The following B4GALNT3 variants were observed in gnomAD, a reference collection of about 807,000 sequenced individuals.
B4GALNT3 encodes the protein beta-1,4-N-acetylgalactosaminyltransferase 3.
A neutral mutation model predicts 120.2 loss-of-function variants in B4GALNT3; 86 were observed. That is an observed-to-expected ratio of 0.72 (90% confidence interval 0.60 to 0.86). The LOEUF (loss-of-function observed/expected upper bound fraction) is 0.86, where lower values mean the gene tolerates loss of function less well. Among genes scored for constraint, B4GALNT3 ranks in the 40% least tolerant of loss-of-function variants. The pLI is 0.00. For missense variants in B4GALNT3, 1,167 were observed against 1,298.9 expected, an observed-to-expected ratio of 0.90 and a Z score of 1.56; for synonymous variants, 518 against 510.4, an observed-to-expected ratio of 1.01 and a Z score of -0.20.
chr12:550,047 TAGAA>T lies in B4GALNT3; in HGVS notation c.997+136_997+139del. The T allele has an allele frequency of 1.0e-6, 1 of 972,426 alleles. No homozygotes were observed. The highest frequency in any genetic ancestry group is 1.6e-5 in the African/African-American group (1 of 60,642). The allele number at this position is 972,426 out of a possible 1,614,324, so 60.2% of individuals were successfully genotyped here. On this transcript the variant is annotated intron_variant, in intron 10 of 19. Transcript: ENST00000266383. The surrounding 1 kb of genome is among the most constrained non-coding windows in gnomAD (Gnocchi z 4.1). ...AGAACTTTTTATCGTCCTTGTAACA[TAGAA>T]CATGCATACAGAAAAGAGAGCATGT...
Position 544,865 on chromosome 12 carries a change from C to T in B4GALNT3, c.448-17C>T. 3 of 1,612,196 alleles carry T rather than the reference C, an allele frequency of 1.9e-6. No individual in the cohort carries two copies. The highest frequency in any genetic ancestry group is 2.5e-6 in the Non-Finnish European group (3 of 1,178,518). On this transcript the variant is annotated splice_polypyrimidine_tract_variant and intron_variant, in intron 4 of 19. Coordinates refer to ENST00000266383, the MANE Select transcript of B4GALNT3 (RefSeq NM_173593.4). ...CCCTCTTCTGGGTAACTGTTTCCTTCCCCTTTCTTGGCATAGATTCGCACA... is the reference window on the plus strand; with the variant it reads ...CCCTCTTCTGGGTAACTGTTTCCTTTCCCTTTCTTGGCATAGATTCGCACA...
At chr12:478,283 T>G (rs931120937) in intron 1 of B4GALNT3, among the ~76,000 whole-genome samples, 3 of 131,434 alleles carry the variant, frequency 2.3e-5, no homozygotes, top group Non-Finnish European at 1.6e-5. Flanking sequence ...TTAGAGGAGG[T>G]AAAAAAAAAA....
At position 536,244 on chromosome 12, in the gene B4GALNT3, C is replaced by T. The variant is rs1325189510; in HGVS notation, c.300C>T (p.Ser100=). Residue 100 remains serine, a synonymous_variant, in exon 3 of 20, where the codon AGC becomes AGT. Transcript: ENST00000266383. Reference sequence around the variant, plus strand: ...ACCACGACATTGACCAAGGGGTGAGCAGTAACAGCAGCTACTTGAAGTGGA... The same window carrying T: ...ACCACGACATTGACCAAGGGGTGAGTAGTAACAGCAGCTACTTGAAGTGGA... The part of the protein sequence containing the change: ...LEDHDIDQGV[S]SNSSYLKWNK... 6 of 1,614,126 alleles carry T rather than the reference C, an allele frequency of 3.7e-6. No homozygotes were observed. The highest frequency in any genetic ancestry group is 5.1e-6 in the Non-Finnish European group (6 of 1,179,990).
chr12:472,831 C>T (rs1238645465), intron 1 of B4GALNT3, among the ~76,000 whole-genome samples: 6 of 152,184 alleles, frequency 3.9e-5, no homozygotes, highest in South Asian at 2.1e-4. Context: ...AATATTTTTG[C>T]GTCTATCTCC....
At position 549,817 on chromosome 12, in the gene B4GALNT3, C is replaced by T. The variant is rs1297415203; in HGVS notation, c.902C>T (p.Ala301Val). 5 of 1,613,750 alleles carry T rather than the reference C, an allele frequency of 3.1e-6. No individual in the cohort carries two copies. In the African/African-American group the frequency reaches 4.0e-5, roughly 13 times the overall value. Residue 301 changes from alanine to valine, a missense_variant, in exon 10 of 20, where the codon GCA (alanine) becomes GTA (valine). Coordinates refer to ENST00000266383, the MANE Select transcript of B4GALNT3 (RefSeq NM_173593.4). The part of the protein sequence containing the change: ...MDEVGHIPQT[A>V]ASHVDSSNAL... ...GAGGTGGGCCACATCCCACAGACAGCAGCCAGCCACGTGGACTCCTCCAAC... is the reference window on the plus strand; with the variant it reads ...GAGGTGGGCCACATCCCACAGACAGTAGCCAGCCACGTGGACTCCTCCAAC...
At chr12:533,659 A>G (rs1946829439) in intron 1 of B4GALNT3, among the ~76,000 whole-genome samples, 1 of 151,878 alleles carries the variant, frequency 6.6e-6, no homozygotes, top group South Asian at 2.1e-4. Context: ...GTGACTTCAG[A>G]CTCGGAGCGC....
rs528069390 is a variant in B4GALNT3 at position 467,099 on chromosome 12, T to A, written c.169+6554T>A. Among the ~76,000 whole-genome samples the A allele has an allele frequency of 1.6e-3, 244 of 152,116 alleles. 1 individual carries two copies. Among genetic ancestry groups the A allele is most frequent in the African/African-American group, 5.7e-3 (235 of 41,532 alleles). On this transcript the variant is annotated intron_variant, in intron 1 of 19. Coordinates refer to ENST00000266383, the MANE Select transcript of B4GALNT3 (RefSeq NM_173593.4). The stretch of plus-strand genomic sequence containing the variant: ...GGTTCTTTTTTTATTAGCAATTTTT[T>A]AAATTAAATTAATGAAAGTATTTTT...
chr12:558,136 A>T, intron 17 of B4GALNT3, 48 bp downstream of exon 17: 1 of 1,586,368 alleles, frequency 6.3e-7, no homozygotes, highest in Non-Finnish European at 8.7e-7. Context: ...AGGCTGGTTA[A>T]GAGGTAGAGA....
At chr12:552,441 A>G in intron 12 of B4GALNT3, 26 bp from the exon 13 acceptor site, 1 of 1,609,896 alleles carries the variant, frequency 6.2e-7, no homozygotes, top group Non-Finnish European at 8.5e-7. Context: ...ACCGGGTGCC[A>G]ATGCACACCT....
intron 1 of B4GALNT3, among the ~76,000 whole-genome samples, chr12:485,768 G>A (rs1375685860): frequency 6.6e-6 from 1 of 152,070 alleles, no homozygotes; most frequent in Admixed American, 6.6e-5. Context: ...TCAACTTCTG[G>A]TCTACCATGT....
At chr12:482,245 C>T (rs1946249287) in intron 1 of B4GALNT3, among the ~76,000 whole-genome samples, 1 of 152,210 alleles carries the variant, frequency 6.6e-6, no homozygotes, top group Non-Finnish European at 1.5e-5. Flanking sequence ...TTGGAGCCTA[C>T]TAGCAGCCAC....
intron 1 of B4GALNT3, among the ~76,000 whole-genome samples, chr12:526,972 A>G (rs1299794178): frequency 6.6e-6 from 1 of 152,164 alleles, no homozygotes; most frequent in Non-Finnish European, 1.5e-5. Context: ...TCTGTCACCC[A>G]GGCTGGAGTG....
At chr12:526,929 TTTTG>T (rs747738963) in intron 1 of B4GALNT3, among the ~76,000 whole-genome samples, 56 of 152,220 alleles carry the variant, frequency 3.7e-4, no homozygotes, top group Non-Finnish European at 6.3e-4. Context: ...TGTTTTTGTT[TTTTG>T]TTTGTTTGTT....
chr12:509,566 C>T (rs1397217956), intron 1 of B4GALNT3, among the ~76,000 whole-genome samples: 1 of 151,912 alleles, frequency 6.6e-6, no homozygotes, highest in African/African-American at 2.4e-5. Flanking sequence ...CTCCTATTTG[C>T]TGGTACCTAG....
In B4GALNT3 at chr12:460,821, G is replaced by T. The variant is rs2120394319; in HGVS notation, c.169+276G>T. On this transcript the variant is annotated intron_variant, in intron 1 of 19. Transcript: ENST00000266383. The surrounding 1 kb of genome is among the most constrained non-coding windows in gnomAD (Gnocchi z 8.0). ...CGCGTCTCCCCTCGGAGAGCGACCC[G>T]GAGAGAGGCTCCCCGCCCGTCCCGC... Among the ~76,000 whole-genome samples the T allele has an allele frequency of 6.6e-6, 1 of 152,142 alleles. No individual in the cohort carries two copies. Among genetic ancestry groups the T allele is most frequent in the Non-Finnish European group, 1.5e-5 (1 of 67,946 alleles).
In B4GALNT3 at chr12:462,750, G is replaced by A. The variant is rs764265967; in HGVS notation, c.169+2205G>A. 2.6e-5 allele frequency among the ~76,000 whole-genome samples: 4 copies of A among 152,082 alleles called. No individual in the cohort carries two copies. The South Asian group carries it at 6.2e-4, about 24-fold the overall frequency. On this transcript the variant is annotated intron_variant, in intron 1 of 19. Coordinates refer to ENST00000266383, the MANE Select transcript of B4GALNT3 (RefSeq NM_173593.4). ...CGCTGTCCCGTTATATTCTACTCTC[G>A]ATTTCCCTGTGGAATAAGATTTAGA...
At chr12:490,876 A>G (rs1414827323) in intron 1 of B4GALNT3, among the ~76,000 whole-genome samples, 1 of 152,240 alleles carries the variant, frequency 6.6e-6, no homozygotes, top group African/African-American at 2.4e-5. Flanking sequence ...AGGAATTTGA[A>G]GAAGTAATTA....
At chr12:500,607 T>C (rs1265234426) in intron 1 of B4GALNT3, among the ~76,000 whole-genome samples, 1 of 152,116 alleles carries the variant, frequency 6.6e-6, no homozygotes, top group Non-Finnish European at 1.5e-5. Flanking sequence ...CCACTTATGC[T>C]GAAATACTGA....
chr12:526,617 C>T (rs1490937780), intron 1 of B4GALNT3, among the ~76,000 whole-genome samples: 5 of 152,282 alleles, frequency 3.3e-5, no homozygotes, highest in Non-Finnish European at 7.3e-5. Context: ...CTGTGTTTGT[C>T]GCTGTAATTG....
Sources: allele counts gnomAD v4.1 joint callset (sites outside exome capture counted in the v4.1 genomes callset), GRCh38; gene constraint gnomAD v4.1.1; non-coding constraint Gnocchi (gnomAD v3.1); transcripts MANE v1.5; gene names NCBI Gene and HGNC (gene_info 2026-07-23, HGNC 2026-07-21).